Variants in NSD3 observed in about 807,000 individuals in gnomAD.
NSD3 encodes nuclear receptor binding SET domain protein 3, also known as histone-lysine N-methyltransferase NSD3.
In NSD3, 24 loss-of-function variants were observed where a neutral mutation model predicts 160.8. The ratio of observed to expected loss-of-function variants is 0.15; its 90% CI spans 0.11 to 0.21. The LOEUF (loss-of-function observed/expected upper bound fraction) is 0.21, where lower values mean the gene tolerates loss of function less well. Ranked by LOEUF, NSD3 falls within the 10% of genes least tolerant of loss-of-function variation. The pLI is 1.00. For missense variants in NSD3, 1,157 were observed against 1,735.9 expected (o/e 0.67, Z 5.93); for synonymous variants, 520 against 600.0 (o/e 0.87, Z 1.95).
At chr8:38,303,538 T>A (rs1052829993) in intron 14 of NSD3, 8 of 327,238 alleles carry the variant, frequency 2.4e-5, no homozygotes, top group Non-Finnish European at 3.5e-5. Context: ...TTTAATCTTT[T>A]ACTGCCTACC....
chr8:38,342,747 G>C (rs1271556941), intron 2 of NSD3, among the ~76,000 whole-genome samples: 1 of 151,582 alleles, frequency 6.6e-6, no homozygotes, highest in South Asian at 2.1e-4. Flanking sequence ...TTTTAGTAGA[G>C]ATGGGGTTTC....
intron 7 of NSD3, among the ~76,000 whole-genome samples, chr8:38,326,468 C>T (rs1809913894): frequency 6.6e-6 from 1 of 152,172 alleles, no homozygotes. Flanking sequence ...TACTCAGATA[C>T]ATATAGAGTT....
intron 1 of NSD3, among the ~76,000 whole-genome samples, chr8:38,355,955 ACT>A (rs1810813670): frequency 6.6e-6 from 1 of 152,124 alleles, no homozygotes; most frequent in African/African-American, 2.4e-5. Flanking sequence ...TCAAACACAC[ACT>A]CTGTTCCACA....
rs1809798539 is a variant in NSD3 at position 38,321,715 on chromosome 8, C to A, written c.1709-543G>T. ...ACAAAAGCAGGAAAAGCAGGGAAGG[C>A]AAAAAATGTGACCAAAACCTAATCA... On this transcript the variant is annotated intron_variant, in intron 7 of 23. Coordinates refer to ENST00000317025, the MANE Select transcript of NSD3 (RefSeq NM_023034.2). The surrounding 1 kb of genome is among the most constrained non-coding windows in gnomAD (Gnocchi z 4.7). Among the ~76,000 whole-genome samples the A allele has an allele frequency of 6.6e-6, 1 of 152,016 alleles. No homozygotes were observed. Among genetic ancestry groups the A allele is most frequent in the Admixed American group, 6.5e-5 (1 of 15,276 alleles).
Position 38,331,432 on chromosome 8 carries a change from T to C in NSD3, c.1064A>G (p.Lys355Arg). 1 of 1,595,298 alleles carries C rather than the reference T, an allele frequency of 6.3e-7. No homozygotes were observed. Among genetic ancestry groups the C allele is most frequent in the Non-Finnish European group, 8.5e-7 (1 of 1,172,048 alleles). Residue 355 changes from lysine to arginine, a missense_variant and splice_region_variant, in exon 5 of 24, where the codon AAG becomes AGG. By Grantham distance (26) the Lys-to-Arg change is conservative (BLOSUM62 2). Around this residue, in one of 10 missense-constraint regions of NSD3, gnomAD observed 168 missense variants for 208.1 expected, o/e 0.81. Coordinates refer to ENST00000317025, the MANE Select transcript of NSD3 (RefSeq NM_023034.2). ...KQASNHSEKQ[K>R]IRKPRPQRER... Reference sequence around the variant, plus strand: ...AAATAATATTAACATGTTAGTTACCTTTTGTTTCTCAGAGTGATTGCTGGC... The same window carrying C: ...AAATAATATTAACATGTTAGTTACCCTTTGTTTCTCAGAGTGATTGCTGGC...
intron 17 of NSD3, 53 bp from the exon 18 acceptor site, chr8:38,289,558 G>T: frequency 6.6e-7 from 1 of 1,526,200 alleles, no homozygotes; most frequent in Non-Finnish European, 9.0e-7. Context: ...AAGGAAAATT[G>T]ATGGGATAGT....
chr8:38,363,579 T>C lies in NSD3; in HGVS notation c.-44-15364A>G, dbSNP rs1428249767. On this transcript the variant is annotated intron_variant, in intron 1 of 23. Transcript: ENST00000317025. The stretch of plus-strand genomic sequence containing the variant: ...ATCACTTGAACCTGAGAGGCAGAGG[T>C]TGCCATGAGCTGAGATTGCACCTGC... 3.4e-5 allele frequency among the ~76,000 whole-genome samples: 5 copies of C among 146,472 alleles called. 1 individual carries two copies. Among genetic ancestry groups the C allele is most frequent in the Non-Finnish European group, 7.5e-5 (5 of 67,034 alleles).
At chr8:38,333,414 A>C (rs1186967483) in intron 4 of NSD3, among the ~76,000 whole-genome samples, 1 of 152,240 alleles carries the variant, frequency 6.6e-6, no homozygotes, top group East Asian at 1.9e-4. Flanking sequence ...TCTGTCTCTG[A>C]CTGAAGAGCT....
chr8:38,292,004 T>C (rs1209038141), intron 16 of NSD3, among the ~76,000 whole-genome samples: 2 of 152,240 alleles, frequency 1.3e-5, no homozygotes, highest in African/African-American at 4.8e-5. Context: ...AGCACTGTTT[T>C]GGGTTTCTTT....
At chr8:38,299,387 A>G in intron 15 of NSD3, 57 bp downstream of exon 15, 1 of 1,557,014 alleles carries the variant, frequency 6.4e-7, no homozygotes, top group Middle Eastern at 1.7e-4. Context: ...CTATATTGAA[A>G]GAGAAAAAAA....
intron 12 of NSD3, among the ~76,000 whole-genome samples, chr8:38,313,376 G>T (rs552059795): frequency 6.6e-6 from 1 of 152,268 alleles, no homozygotes; most frequent in East Asian, 1.9e-4. Flanking sequence ...CTATCTTTGT[G>T]ACTTTGGGGA....
chr8:38,288,762 A>G lies in NSD3; in HGVS notation c.3232-6T>C. On this transcript the variant is annotated splice_polypyrimidine_tract_variant and splice_region_variant and intron_variant, in intron 18 of 23. Transcript: ENST00000317025. This position sits in a 1 kb window ranked among gnomAD's most constrained non-coding sequence, Gnocchi z 4.5. ...TTTCCTATTACTTTGTTAGCCTAGAAAACAAAATCGCAAGCGAGAGAGAGG... is the reference window on the plus strand; with the variant it reads ...TTTCCTATTACTTTGTTAGCCTAGAGAACAAAATCGCAAGCGAGAGAGAGG... The G allele has an allele frequency of 6.2e-7, 1 of 1,609,816 alleles. No individual in the cohort carries two copies. Among genetic ancestry groups the G allele is most frequent in the Non-Finnish European group, 8.5e-7 (1 of 1,176,270 alleles).
intron 19 of NSD3, among the ~76,000 whole-genome samples, chr8:38,287,650 A>G (rs1006377630): frequency 2.7e-5 from 4 of 149,472 alleles, no homozygotes; most frequent in Admixed American, 2.7e-4. Flanking sequence ...AAAATTACAA[A>G]CCTGATTTTT....
intron 16 of NSD3, among the ~76,000 whole-genome samples, chr8:38,292,982 A>G (rs1809040412): frequency 6.7e-6 from 1 of 150,106 alleles, no homozygotes; most frequent in Non-Finnish European, 1.5e-5. Flanking sequence ...AAAAAAAAAT[A>G]CAAACATTAG....
intron 4 of NSD3, among the ~76,000 whole-genome samples, chr8:38,332,363 C>T (rs1009431145): frequency 6.6e-6 from 1 of 151,850 alleles, no homozygotes; most frequent in African/African-American, 2.4e-5. Context: ...TCTTGAACTC[C>T]TGGGCTCAAG....
chr8:38,289,001 TC>T, intron 18 of NSD3, among the ~76,000 whole-genome samples: 1 of 152,232 alleles, frequency 6.6e-6, no homozygotes, highest in Admixed American at 6.5e-5. Context: ...GATGGAAATT[TC>T]ATAACTGAAA....
intron 1 of NSD3, among the ~76,000 whole-genome samples, chr8:38,350,873 C>G (rs1205014787): frequency 6.6e-6 from 1 of 152,008 alleles, no homozygotes; most frequent in African/African-American, 2.4e-5. Context: ...ACCACCCTGC[C>G]TTGTCATAAG....
intron 14 of NSD3, among the ~76,000 whole-genome samples, chr8:38,303,611 C>T (rs1323380794): frequency 6.6e-6 from 1 of 152,218 alleles, no homozygotes; most frequent in Non-Finnish European, 1.5e-5. Flanking sequence ...TATCATACTA[C>T]CTAAATTCTA....
intron 1 of NSD3, among the ~76,000 whole-genome samples, chr8:38,380,322 G>A (rs1377995888): frequency 2.0e-5 from 3 of 152,172 alleles, no homozygotes; most frequent in Admixed American, 1.3e-4. Flanking sequence ...ACAGCAAGCC[G>A]ATAATCTACC....
Sources: allele counts gnomAD v4.1 joint callset (sites outside exome capture counted in the v4.1 genomes callset), GRCh38; gene constraint gnomAD v4.1.1; regional missense constraint gnomAD v4.1.1; non-coding constraint Gnocchi (gnomAD v3.1); transcripts MANE v1.5; gene names NCBI Gene and HGNC (gene_info 2026-07-23, HGNC 2026-07-21).